Variants in COL9A1 observed in about 807,000 individuals in gnomAD.
COL9A1 encodes collagen type IX alpha 1 chain.
A neutral mutation model predicts 142.6 loss-of-function variants in COL9A1; 104 were observed. That is an observed-to-expected ratio of 0.73 (90% confidence interval 0.62 to 0.86). The LOEUF (loss-of-function observed/expected upper bound fraction) is 0.86, where lower values mean the gene tolerates loss of function less well. COL9A1 is among the 40% of genes least tolerant of loss of function. The probability of loss-of-function intolerance (pLI) is 0.00; values close to 1 mark genes in which losing one functional copy is unlikely to be tolerated. For missense variants in COL9A1, 1,210 were observed against 1,176.6 expected (o/e 1.03, Z -0.42); for synonymous variants, 466 against 396.0 (o/e 1.18, Z -2.10).
chr6:70,220,143 T>C (rs1195850919), intron 37 of COL9A1, among the ~76,000 whole-genome samples: 1 of 133,874 alleles, frequency 7.5e-6, no homozygotes, highest in Non-Finnish European at 1.5e-5. Flanking sequence ...GATGATGTCA[T>C]CATCATCATC....
At chr6:70,253,132 A>C (rs1428626169) in intron 26 of COL9A1, 1 of 380,510 alleles carries the variant, frequency 2.6e-6, no homozygotes, top group African/African-American at 2.1e-5. Context: ...GGAACAATAA[A>C]ATTTTCTGTT....
intron 19 of COL9A1, chr6:70,260,989 T>C (rs934456582): frequency 5.7e-6 from 2 of 347,910 alleles, no homozygotes; most frequent in Non-Finnish European, 5.3e-6. Context: ...TAAGAGAAAT[T>C]GTGATAATAT....
chr6:70,280,771 A>G (rs1184651973), intron 10 of COL9A1, 41 bp downstream of exon 10: 25 of 1,592,272 alleles, frequency 1.6e-5, no homozygotes, highest in African/African-American at 1.4e-4. Flanking sequence ...TACCCACCAC[A>G]CACCCCAGGC....
At chr6:70,224,672 T>G (rs1304265821) in intron 37 of COL9A1, among the ~76,000 whole-genome samples, 3 of 152,140 alleles carry the variant, frequency 2.0e-5, no homozygotes, top group Non-Finnish European at 4.4e-5. Flanking sequence ...CTTTAGTAAA[T>G]TCTATTTCCT....
At chr6:70,262,498 C>T (rs1771753921) in intron 19 of COL9A1, among the ~76,000 whole-genome samples, 1 of 152,200 alleles carries the variant, frequency 6.6e-6, no homozygotes, top group African/African-American at 2.4e-5. Context: ...TGTTTGTCTT[C>T]AATTCATCAG....
intron 37 of COL9A1, among the ~76,000 whole-genome samples, chr6:70,220,245 AT>A (rs1423467205): frequency 6.6e-6 from 1 of 152,096 alleles, no homozygotes; most frequent in Non-Finnish European, 1.5e-5. Context: ...CATTTTTCTC[AT>A]GCATAAACTG....
At chr6:70,217,191 G>A (rs1768576809) in intron 37 of COL9A1, 110 bp from the exon 38 acceptor site, 3 of 926,042 alleles carry the variant, frequency 3.2e-6, no homozygotes, top group African/African-American at 3.2e-5. Flanking sequence ...AAACGCTTTT[G>A]GAAGCGATGG....
chr6:70,302,475 T>C (rs1419011455), intron 1 of COL9A1, among the ~76,000 whole-genome samples: 1 of 152,160 alleles, frequency 6.6e-6, no homozygotes, highest in Non-Finnish European at 1.5e-5. Context: ...CCCAAAGTGC[T>C]GGGATTACAA....
chr6:70,302,890 T>A, intron 1 of COL9A1, 21 bp downstream of exon 1: 1 of 1,613,868 alleles, frequency 6.2e-7, no homozygotes, highest in Non-Finnish European at 8.5e-7. Context: ...CCCACCACTC[T>A]TTCCAGGGTT....
chr6:70,234,336 AT>A (rs1562292371), intron 35 of COL9A1, among the ~76,000 whole-genome samples: 1 of 151,970 alleles, frequency 6.6e-6, no homozygotes, highest in African/African-American at 2.4e-5. Context: ...GAAAAGTAAT[AT>A]TTTACATTGA....
At chr6:70,269,804 T>C in intron 15 of COL9A1, 139 bp from the exon 16 acceptor site, 1 of 625,938 alleles carries the variant, frequency 1.6e-6, no homozygotes, top group Non-Finnish European at 2.8e-6. Flanking sequence ...TATGCTAATA[T>C]TCTAAAATCC....
chr6:70,219,294 TG>T lies in COL9A1; in HGVS notation c.2582-2214del, dbSNP rs562620805. On this transcript the variant is annotated intron_variant, in intron 37 of 37. Transcript: ENST00000357250. ...CCCAAAGAAGAGGTAGAAAACCAAA[TG>T]AGCACAGGGGCTGGGATGGTCATTG... 6.0e-3 allele frequency among the ~76,000 whole-genome samples: 908 copies of T among 152,120 alleles called. 12 individuals are homozygous for T. Among genetic ancestry groups the T allele is most frequent in the African/African-American group, 0.021 (858 of 41,530 alleles).
intron 12 of COL9A1, 175 bp downstream of exon 12, chr6:70,273,872 T>A: frequency 3.5e-6 from 1 of 289,318 alleles, no homozygotes; most frequent in East Asian, 8.0e-5. Context: ...CCATACCAGA[T>A]GTCATCAACT....
intron 17 of COL9A1, among the ~76,000 whole-genome samples, 185 bp downstream of exon 17, chr6:70,268,619 C>A (rs552600125): frequency 1.3e-5 from 2 of 152,300 alleles, no homozygotes; most frequent in East Asian, 1.9e-4. Flanking sequence ...TATGATTAAA[C>A]CTCCATGTCT....
At position 70,256,822 on chromosome 6, in the gene COL9A1, C is replaced by T. The variant is rs755976129; in HGVS notation, c.1450-1G>A. ...GTTCACCATCTAAGCCCCGAGCACCCTGCAAAAAAACAAGACAATGGAAAA... is the reference window on the plus strand; with the variant it reads ...GTTCACCATCTAAGCCCCGAGCACCTTGCAAAAAAACAAGACAATGGAAAA... On this transcript the variant is annotated splice_acceptor_variant, in intron 20 of 37. Coordinates refer to ENST00000357250, the MANE Select transcript of COL9A1 (RefSeq NM_001851.6). LOFTEE classifies it high-confidence loss of function. 1.2e-6 allele frequency: 2 copies of T among 1,613,474 alleles called. No individual in the cohort carries two copies. Among genetic ancestry groups the T allele is most frequent in the African/African-American group, 2.7e-5 (2 of 74,808 alleles).
At chr6:70,217,645 T>C (rs1015732523) in intron 37 of COL9A1, among the ~76,000 whole-genome samples, 1 of 152,232 alleles carries the variant, frequency 6.6e-6, no homozygotes, top group African/African-American at 2.4e-5. Context: ...TATATTTCTT[T>C]TGAATGCAAG....
In COL9A1 at chr6:70,281,171, A is replaced by C. The variant is rs950530072; in HGVS notation, c.877-132T>G. ...GGGTCAAACGTGGAGGTTCATGACCAACAAGGACAACAGAGACACCTCTCC... is the reference window on the plus strand; with the variant it reads ...GGGTCAAACGTGGAGGTTCATGACCCACAAGGACAACAGAGACACCTCTCC... On this transcript the variant is annotated intron_variant, in intron 8 of 37. Coordinates refer to ENST00000357250, the MANE Select transcript of COL9A1 (RefSeq NM_001851.6). The C allele has an allele frequency of 8.9e-5, 74 of 835,454 alleles. 1 individual carries two copies. The highest frequency in any genetic ancestry group is 1.5e-5 in the Non-Finnish European group (8 of 529,284). 51.8% of individuals were successfully genotyped at this position (835,454 alleles called of 1,614,324 possible).
At chr6:70,264,987 A>G (rs1771922456) in intron 18 of COL9A1, among the ~76,000 whole-genome samples, 1 of 152,084 alleles carries the variant, frequency 6.6e-6, no homozygotes, top group African/African-American at 2.4e-5. Context: ...CAGCCTTTCA[A>G]GGTTCATTCT....
intron 33 of COL9A1, among the ~76,000 whole-genome samples, chr6:70,237,929 T>C (rs1770016333): frequency 6.6e-6 from 1 of 152,128 alleles, no homozygotes; most frequent in Non-Finnish European, 1.5e-5. Context: ...AAGTAGGAAG[T>C]AGCTATTCCA....
Sources: allele counts gnomAD v4.1 joint callset (sites outside exome capture counted in the v4.1 genomes callset), GRCh38; gene constraint gnomAD v4.1.1; transcripts MANE v1.5; gene names NCBI Gene and HGNC (gene_info 2026-07-23, HGNC 2026-07-21).